CNTNAP2: variants seen among roughly 807,000 people sequenced by gnomAD.
The protein encoded by CNTNAP2 is contactin associated protein 2, also known as contactin-associated protein-like 2.
In CNTNAP2, 98 loss-of-function variants were observed where a neutral mutation model predicts 155.2. That is an observed-to-expected ratio of 0.63 (90% CI 0.54 to 0.75). The LOEUF is 0.75. Among genes scored for constraint, CNTNAP2 ranks in the 30% least tolerant of loss-of-function variants. The pLI is 0.00. For synonymous variants in CNTNAP2, 651 were observed against 631.2 expected (o/e 1.03, Z -0.47); for missense variants, 1,727 against 1,688.1 (o/e 1.02, Z -0.40).
chr7:147,443,039 A>G (rs1425302414), intron 10 of CNTNAP2, among the ~76,000 whole-genome samples: 5 of 151,916 alleles, frequency 3.3e-5, no homozygotes, highest in Admixed American at 3.3e-4. Flanking sequence ...TGTGTGCCCC[A>G]CCCTCACCCC....
At chr7:146,935,585 C>A (rs1796897547) in intron 3 of CNTNAP2, among the ~76,000 whole-genome samples, 1 of 152,128 alleles carries the variant, frequency 6.6e-6, no homozygotes, top group East Asian at 1.9e-4. Flanking sequence ...AAATGTATCC[C>A]TCATGATAAG....
chr7:146,934,697 C>G (rs1460627651), intron 3 of CNTNAP2, among the ~76,000 whole-genome samples: 2 of 152,116 alleles, frequency 1.3e-5, no homozygotes, highest in East Asian at 3.9e-4. Context: ...TATTTTTATA[C>G]TATTTTAAGC....
chr7:147,675,559 C>T (rs1054776095), intron 13 of CNTNAP2, among the ~76,000 whole-genome samples: 4 of 152,076 alleles, frequency 2.6e-5, no homozygotes, highest in Non-Finnish European at 5.9e-5. Context: ...GTTTTAAATT[C>T]AATCCCTCCA....
intron 1 of CNTNAP2, among the ~76,000 whole-genome samples, chr7:146,413,777 AG>A (rs140502315): frequency 0.035 from 5,401 of 152,240 alleles, 340 homozygotes; most frequent in African/African-American, 0.12. Flanking sequence ...GGCAGAGAGA[AG>A]GGGGACTTTC....
intron 1 of CNTNAP2, among the ~76,000 whole-genome samples, chr7:146,163,302 G>A (rs920839177): frequency 6.6e-6 from 1 of 151,464 alleles, no homozygotes; most frequent in African/African-American, 2.4e-5. Context: ...AGCCAGACGA[G>A]GTGGCTCACA....
intron 13 of CNTNAP2, among the ~76,000 whole-genome samples, chr7:147,807,766 G>A (rs578139484): frequency 1.3e-5 from 2 of 152,294 alleles, no homozygotes; most frequent in South Asian, 2.1e-4. Flanking sequence ...AGAAACATGA[G>A]TGAGAGCTTC....
intron 1 of CNTNAP2, among the ~76,000 whole-genome samples, chr7:146,760,640 G>T (rs1047209559): frequency 9.9e-5 from 15 of 151,452 alleles, no homozygotes; most frequent in South Asian, 2.1e-4. Flanking sequence ...GCCCAGGCTG[G>T]TCTCAAACTC....
intron 3 of CNTNAP2, among the ~76,000 whole-genome samples, chr7:146,889,936 C>T (rs946439622): frequency 6.6e-6 from 1 of 152,144 alleles, no homozygotes; most frequent in Non-Finnish European, 1.5e-5. Context: ...TCCAGGCAGG[C>T]ATTTTCTTTC....
At position 148,404,127 on chromosome 7, in the gene CNTNAP2, C is replaced by T. The variant is rs572779892; in HGVS notation, c.3716-5264C>T. On this transcript the variant is annotated intron_variant, in intron 22 of 23. Coordinates refer to ENST00000361727, the MANE Select transcript of CNTNAP2 (RefSeq NM_014141.6). Reference sequence around the variant, plus strand: ...AGGTTTTGTTATCAGAAGAAGCTACCGATGTTTACATACCTCTTAATCAAC... The same window carrying T: ...AGGTTTTGTTATCAGAAGAAGCTACTGATGTTTACATACCTCTTAATCAAC... Among the ~76,000 whole-genome samples, 10 of 152,284 alleles carry T rather than the reference C, an allele frequency of 6.6e-5. 1 individual carries two copies. The highest frequency in any genetic ancestry group is 6.8e-3 in the Middle Eastern group (2 of 294).
intron 1 of CNTNAP2, among the ~76,000 whole-genome samples, chr7:146,376,336 T>G (rs2129103788): frequency 6.6e-6 from 1 of 152,280 alleles, no homozygotes; most frequent in South Asian, 2.1e-4. Flanking sequence ...TTCGTTACCT[T>G]TGTTCTTTTT....
chr7:147,120,988 A>G lies in CNTNAP2; in HGVS notation c.764A>G (p.Gln255Arg). 4 of 1,613,652 alleles carry G rather than the reference A, an allele frequency of 2.5e-6. No homozygotes were observed. Among genetic ancestry groups the G allele is most frequent in the Non-Finnish European group, 3.4e-6 (4 of 1,179,920 alleles). The change falls in exon 6 of 24, where the codon CAG becomes CGG. Residue 255 changes from glutamine to arginine, a missense_variant. Coordinates refer to ENST00000361727, the MANE Select transcript of CNTNAP2 (RefSeq NM_014141.6). ...LVLSLNLGSNQLGPIYGHTSV... is the reference protein window; with the variant it reads ...LVLSLNLGSNRLGPIYGHTSV... ...ACTTCTGTGTACGCAGGAAGCAACC[A>G]GCTTGGCCCCATATATGGCCACACA...
chr7:148,016,371 T>G (rs1802177334), intron 15 of CNTNAP2, among the ~76,000 whole-genome samples: 2 of 152,308 alleles, frequency 1.3e-5, no homozygotes, highest in South Asian at 4.1e-4. Context: ...TTCCCACATG[T>G]GCCTTCTCCT....
chr7:148,063,352 A>G (rs1803193133), intron 15 of CNTNAP2, among the ~76,000 whole-genome samples: 1 of 151,976 alleles, frequency 6.6e-6, no homozygotes, highest in South Asian at 2.1e-4. Flanking sequence ...AAATATTTTC[A>G]TCACTCTCCC....
chr7:146,522,774 A>C (rs1797633210), intron 1 of CNTNAP2, among the ~76,000 whole-genome samples: 1 of 149,692 alleles, frequency 6.7e-6, no homozygotes, highest in East Asian at 1.9e-4. Context: ...AATATCTATT[A>C]TGTTTTAAAA....
At chr7:146,638,407 A>G (rs1799635354) in intron 1 of CNTNAP2, among the ~76,000 whole-genome samples, 1 of 151,590 alleles carries the variant, frequency 6.6e-6, no homozygotes, top group Admixed American at 6.6e-5. Context: ...ATTTGGTAGC[A>G]TATTAAAATA....
intron 15 of CNTNAP2, among the ~76,000 whole-genome samples, chr7:148,085,574 T>C (rs565723054): frequency 6.6e-6 from 1 of 152,348 alleles, no homozygotes; most frequent in African/African-American, 2.4e-5. Flanking sequence ...GATTATTAGT[T>C]AGTACCGTGA....
intron 21 of CNTNAP2, among the ~76,000 whole-genome samples, chr7:148,327,179 G>A (rs1008644779): frequency 1.3e-5 from 2 of 152,156 alleles, no homozygotes; most frequent in Admixed American, 6.5e-5. Flanking sequence ...GCTCCCAGGG[G>A]CTGCTGCAGT....
At chr7:148,101,362 T>A (rs1385566329) in intron 15 of CNTNAP2, among the ~76,000 whole-genome samples, 3 of 114,780 alleles carry the variant, frequency 2.6e-5, no homozygotes, top group African/African-American at 7.9e-5. Flanking sequence ...TGTGTGTGTG[T>A]GTGTGTGTGT....
At chr7:147,710,895 T>C (rs1796392318) in intron 13 of CNTNAP2, among the ~76,000 whole-genome samples, 1 of 152,190 alleles carries the variant, frequency 6.6e-6, no homozygotes, top group Non-Finnish European at 1.5e-5. Context: ...TCTAGAGTGA[T>C]GTTCAGATTA....
Sources: gnomAD v4.1 joint callset for allele counts (sites outside exome capture counted in the v4.1 genomes callset) on GRCh38, gnomAD v4.1.1 for gene constraint, MANE v1.5 for transcripts, NCBI Gene and HGNC (gene_info 2026-07-23, HGNC 2026-07-21) for gene names.